Variants in SLIT3 observed in about 807,000 individuals in gnomAD.
SLIT3 encodes the protein slit homolog 3 protein.
In SLIT3, 68 loss-of-function variants were observed where a neutral mutation model predicts 184.0. The observed-to-expected ratio is 0.37, with a 90% CI of 0.30 to 0.45. SLIT3 has a LOEUF of 0.45. SLIT3 is among the 20% of genes least tolerant of loss of function. The pLI is 1.00. For missense variants in SLIT3, 1,707 were observed against 2,026.0 expected (o/e 0.84, Z 3.02); for synonymous variants, 831 against 828.6 (o/e 1.00, Z -0.05).
chr5:169,185,736 C>A (rs75310705), intron 4 of SLIT3, among the ~76,000 whole-genome samples: 4,285 of 152,292 alleles, frequency 0.028, 296 homozygotes, highest in East Asian at 0.25. Context: ...AGTCATTCAA[C>A]AACTCTGAGC....
At chr5:168,789,064 T>C (rs972193467) in intron 11 of SLIT3, among the ~76,000 whole-genome samples, 10 of 151,888 alleles carry the variant, frequency 6.6e-5, no homozygotes, top group Non-Finnish European at 5.9e-5. Context: ...GGTTTCAAAA[T>C]CAAAGACAGG....
chr5:169,003,544 A>AGG (rs1308576266), intron 4 of SLIT3, among the ~76,000 whole-genome samples: 4 of 152,268 alleles, frequency 2.6e-5, no homozygotes, highest in African/African-American at 9.6e-5. Flanking sequence ...GTGAACACAG[A>AGG]TGTGAACACA....
intron 4 of SLIT3, among the ~76,000 whole-genome samples, chr5:169,021,133 C>T (rs1756580656): frequency 6.6e-6 from 1 of 152,126 alleles, no homozygotes; most frequent in Admixed American, 6.5e-5. Flanking sequence ...GTTCTTCTGT[C>T]TATAGATATA....
At chr5:168,937,590 C>T (rs748937808) in intron 4 of SLIT3, among the ~76,000 whole-genome samples, 9 of 152,012 alleles carry the variant, frequency 5.9e-5, no homozygotes, top group Non-Finnish European at 1.0e-4. Context: ...TGGCCTTGTG[C>T]GGCGGAACGG....
At chr5:168,698,151 AT>A (rs1186927037) in intron 27 of SLIT3, among the ~76,000 whole-genome samples, 5 of 152,206 alleles carry the variant, frequency 3.3e-5, no homozygotes, top group Non-Finnish European at 4.4e-5. Flanking sequence ...ATGCAGCAAG[AT>A]TAGAGAAGCA....
intron 4 of SLIT3, among the ~76,000 whole-genome samples, chr5:169,095,876 C>T (rs2113215309): frequency 6.6e-6 from 1 of 152,326 alleles, no homozygotes; most frequent in Middle Eastern, 3.4e-3. Flanking sequence ...ATTTTACAAA[C>T]AATACTTTTT....
At chr5:168,932,428 T>G (rs1237954294) in intron 4 of SLIT3, among the ~76,000 whole-genome samples, 1 of 151,628 alleles carries the variant, frequency 6.6e-6, no homozygotes, top group Non-Finnish European at 1.5e-5. Flanking sequence ...ATTTCTTCTT[T>G]GTAATTTTTC....
chr5:168,835,810 CAA>C (rs11427871), intron 6 of SLIT3, among the ~76,000 whole-genome samples: 12 of 138,558 alleles, frequency 8.7e-5, no homozygotes, highest in South Asian at 4.8e-4. Flanking sequence ...GACTCCATCT[CAA>C]AAAAAAAAAA....
chr5:168,715,157 G>T (rs138466846), intron 23 of SLIT3, among the ~76,000 whole-genome samples: 2 of 152,196 alleles, frequency 1.3e-5, no homozygotes, highest in Admixed American at 1.3e-4. Context: ...TGAATCCCTC[G>T]TCTGATACTG....
chr5:169,010,913 A>G (rs2113454781), intron 4 of SLIT3, among the ~76,000 whole-genome samples: 1 of 151,950 alleles, frequency 6.6e-6, no homozygotes, highest in Non-Finnish European at 1.5e-5. Context: ...TGTTTCCAAA[A>G]AAAAAAAAAA....
In SLIT3 at chr5:168,891,972, T is replaced by C. The variant is rs371295718; in HGVS notation, c.414-8636A>G. 5.4e-4 allele frequency among the ~76,000 whole-genome samples: 83 copies of C among 152,310 alleles called. 1 individual carries two copies. The South Asian group carries it at 0.017, about 30-fold the overall frequency. Reference sequence around the variant, plus strand: ...CAAATAACTCTCTGTGCCAGCCAATTGGATGCTTCACCCTGGGAAGAACTT... The same window carrying C: ...CAAATAACTCTCTGTGCCAGCCAATCGGATGCTTCACCCTGGGAAGAACTT... On this transcript the variant is annotated intron_variant, in intron 4 of 35. Coordinates refer to ENST00000519560, the MANE Select transcript of SLIT3 (RefSeq NM_003062.4).
rs150343393 is a variant in SLIT3, at chr5:168,682,731, G to C, written c.3686+1235C>G. Among the ~76,000 whole-genome samples, 207 of 152,224 alleles carry C rather than the reference G, an allele frequency of 1.4e-3. 2 individuals carry two copies. The highest frequency in any genetic ancestry group is 4.9e-3 in the African/African-American group (202 of 41,548). On this transcript the variant is annotated intron_variant, in intron 32 of 35. Transcript: ENST00000519560. ...AGATTTTAATGGAAGAAAAGATTTA[G>C]TTAGCAGGGGGAAGAAAGTCTGAAA... is the stretch of plus-strand genomic sequence containing the variant.
intron 23 of SLIT3, among the ~76,000 whole-genome samples, chr5:168,717,492 T>C (rs1561890975): frequency 6.6e-6 from 1 of 152,156 alleles, no homozygotes; most frequent in Non-Finnish European, 1.5e-5. Flanking sequence ...TATTTACTTA[T>C]TTCCCCTTCT....
intron 20 of SLIT3, among the ~76,000 whole-genome samples, chr5:168,741,659 G>A (rs1305020342): frequency 6.6e-6 from 1 of 152,028 alleles, no homozygotes; most frequent in East Asian, 1.9e-4. Context: ...ACAACACAAG[G>A]CGATACCTGA....
intron 4 of SLIT3, among the ~76,000 whole-genome samples, chr5:168,963,102 A>G (rs1454691372): frequency 6.6e-6 from 1 of 152,220 alleles, no homozygotes; most frequent in Non-Finnish European, 1.5e-5. Context: ...ACTATGGCCT[A>G]CGGGGCCAAT....
intron 12 of SLIT3, among the ~76,000 whole-genome samples, chr5:168,781,531 A>T (rs1755970760): frequency 6.6e-6 from 1 of 152,134 alleles, no homozygotes; most frequent in African/African-American, 2.4e-5. Flanking sequence ...TGCTGGAGAC[A>T]ATTCTCATTG....
intron 2 of SLIT3, among the ~76,000 whole-genome samples, chr5:169,247,264 C>A (rs935653930): frequency 1.3e-5 from 2 of 151,700 alleles, no homozygotes; most frequent in Non-Finnish European, 2.9e-5. Context: ...CTTTTCCATT[C>A]CACCATATGC....
chr5:169,289,187 A>C (rs1767258011), intron 1 of SLIT3, among the ~76,000 whole-genome samples: 1 of 152,232 alleles, frequency 6.6e-6, no homozygotes, highest in South Asian at 2.1e-4. Context: ...GATTCAGCCT[A>C]GGTCTTTCTA....
chr5:169,234,142 G>A (rs553703198), intron 3 of SLIT3, among the ~76,000 whole-genome samples: 18 of 152,216 alleles, frequency 1.2e-4, no homozygotes, highest in African/African-American at 3.9e-4. Context: ...TATATTTGTT[G>A]TTCATGTCAC....
Sources: allele counts gnomAD v4.1 joint callset (sites outside exome capture counted in the v4.1 genomes callset), GRCh38; gene constraint gnomAD v4.1.1; transcripts MANE v1.5; gene names NCBI Gene and HGNC (gene_info 2026-07-23, HGNC 2026-07-21).